The following IRGM variants were observed in gnomAD, a reference collection of about 807,000 sequenced individuals.
The protein encoded by IRGM is immunity-related GTPase family M protein.
For synonymous variants in IRGM, 98 were observed against 80.6 expected (o/e 1.22, Z -1.16); for missense variants, 288 against 219.9 (o/e 1.31, Z -1.96).
At chr5:150,880,203 CT>C (rs1269387592) in intron 3 of IRGM, among the ~76,000 whole-genome samples, 2 of 152,136 alleles carry the variant, frequency 1.3e-5, no homozygotes, top group Non-Finnish European at 2.9e-5. Context: ...ATATGAACAG[CT>C]TTTTATCCAT....
intron 1 of IRGM, among the ~76,000 whole-genome samples, chr5:150,868,526 G>A (rs896345070): frequency 6.6e-6 from 1 of 152,106 alleles, no homozygotes; most frequent in Non-Finnish European, 1.5e-5. Flanking sequence ...ATGGTATTTT[G>A]ATGGGAATTG....
chr5:150,884,448 G>T (rs1754488241), intron 3 of IRGM, among the ~76,000 whole-genome samples: 1 of 152,046 alleles, frequency 6.6e-6, no homozygotes, highest in Non-Finnish European at 1.5e-5. Flanking sequence ...TAATGGGATT[G>T]CTGATTTGAA....
chr5:150,866,720 T>C (rs939332868), intron 1 of IRGM, among the ~76,000 whole-genome samples: 11 of 152,216 alleles, frequency 7.2e-5, no homozygotes, highest in African/African-American at 2.7e-4. Context: ...TTTATAACTG[T>C]AACTGATAAT....
rs891045688 is a variant in IRGM at position 150,847,048 on chromosome 5, G to C, written c.-588G>C. 3.9e-5 allele frequency: 6 copies of C among 152,344 alleles called. No homozygotes were observed. The highest frequency in any genetic ancestry group is 3.9e-4 in the Admixed American group (6 of 15,282). 9.4% of individuals were successfully genotyped at this position (152,344 alleles called of 1,614,324 possible). ...AATGATAAGCAATTGTCTAATCACT[G>C]CCTTGAAAAAGAGCAGAGCATTTGA... is the stretch of plus-strand genomic sequence containing the variant. On this transcript the variant is annotated 5_prime_UTR_variant, in exon 1 of 2. Coordinates refer to ENST00000522154, the MANE Select transcript of IRGM (RefSeq NM_001145805.2).
At chr5:150,862,029 C>T (rs563252584) in intron 1 of IRGM, among the ~76,000 whole-genome samples, 195 of 152,306 alleles carry the variant, frequency 1.3e-3, no homozygotes, top group African/African-American at 4.5e-3. Flanking sequence ...CTCTCATGGG[C>T]TATGATGAAG....
In IRGM at chr5:150,846,862, T is replaced by C. The variant is rs10051804; in HGVS notation, c.-774T>C. ...ACTCCGGACACGCAGCCTTTAAGAA[T>C]TGTAACACTCACCGCGAGGGTCCGT... On this transcript the variant is annotated 5_prime_UTR_variant, in exon 1 of 2. Coordinates refer to ENST00000522154, the MANE Select transcript of IRGM (RefSeq NM_001145805.2). 31,654 of 153,410 alleles carry C rather than the reference T, an allele frequency of 0.21. 5,268 individuals are homozygous for C. Among genetic ancestry groups the C allele is most frequent in the African/African-American group, 0.44 (18,360 of 41,456 alleles). 9.5% of individuals were successfully genotyped at this position (153,410 alleles called of 1,614,324 possible).
intron 3 of IRGM, chr5:150,898,428 C>A: frequency 6.2e-7 from 1 of 1,613,348 alleles, no homozygotes; most frequent in Non-Finnish European, 8.5e-7. Context: ...CCATCCTTAC[C>A]CATTGAGACC....
At chr5:150,871,941 A>G (rs1459022901) in intron 1 of IRGM, among the ~76,000 whole-genome samples, 1 of 152,196 alleles carries the variant, frequency 6.6e-6, no homozygotes, top group Admixed American at 6.5e-5. Context: ...TGGTTTTCTC[A>G]TACAATCCCA....
At chr5:150,878,045 T>C (rs772095800) in exon 2 of IRGM, 2 of 460,194 alleles carry the variant, frequency 4.3e-6, no homozygotes, top group Admixed American at 4.7e-5. Context: ...GAAAGGATCC[T>C]GAGAGAAAAG....
At position 150,856,922 on chromosome 5, in the gene IRGM, TTATTA is replaced by T. The variant is rs1448423472; in HGVS notation, c.158+8270_158+8274del. 1.6e-4 allele frequency among the ~76,000 whole-genome samples: 15 copies of T among 95,376 alleles called. No individual in the cohort carries two copies. The South Asian group carries it at 2.4e-3, about 15-fold the overall frequency. 62.6% of individuals were successfully genotyped at this position (95,376 alleles called of 152,430 possible). A position where few individuals can be genotyped will look rare whatever the true frequency, so the allele number is the denominator to read the frequency against. ...TATTAAATAAATAAATATTTATTAT[TTATTA>T]TTTATTATTTTATTTTATTATACTT... On this transcript the variant is annotated intron_variant and NMD_transcript_variant, in intron 1 of 3. Transcript: ENST00000520549.
chr5:150,852,070 A>G (rs920233079), downstream of IRGM, among the ~76,000 whole-genome samples: 1 of 152,146 alleles, frequency 6.6e-6, no homozygotes, highest in Non-Finnish European at 1.5e-5. Context: ...CTTTTCAAAG[A>G]TGGATATTGC....
intron 1 of IRGM, among the ~76,000 whole-genome samples, chr5:150,853,909 T>C (rs1754011401): frequency 6.6e-6 from 1 of 152,118 alleles, no homozygotes; most frequent in Non-Finnish European, 1.5e-5. Context: ...GACAGAAACA[T>C]CCATTTACAT....
chr5:150,889,396 A>G (rs1327548141), intron 3 of IRGM, among the ~76,000 whole-genome samples: 1 of 152,050 alleles, frequency 6.6e-6, no homozygotes, highest in African/African-American at 2.4e-5. Flanking sequence ...TACTATCACA[A>G]GAATAGCACA....
chr5:150,859,084 AT>A (rs1383571777), intron 1 of IRGM, among the ~76,000 whole-genome samples: 3 of 152,202 alleles, frequency 2.0e-5, no homozygotes, highest in Admixed American at 6.5e-5. Flanking sequence ...AGCTGTTATT[AT>A]TTTGAGATAC....
intron 1 of IRGM, among the ~76,000 whole-genome samples, chr5:150,854,444 A>G (rs1468071491): frequency 6.6e-6 from 1 of 152,012 alleles, no homozygotes; most frequent in African/African-American, 2.4e-5. Flanking sequence ...GTCTATTGTC[A>G]TTTTATTTCA....
chr5:150,859,055 T>C (rs139014190), intron 1 of IRGM, among the ~76,000 whole-genome samples: 1,680 of 152,220 alleles, frequency 0.011, 7 homozygotes, highest in Non-Finnish European at 0.017. Flanking sequence ...ATGATATTGG[T>C]TGTGGATTTG....
At chr5:150,875,813 T>TG (rs1416498702) in intron 1 of IRGM, among the ~76,000 whole-genome samples, 5 of 152,150 alleles carry the variant, frequency 3.3e-5, no homozygotes, top group Non-Finnish European at 7.4e-5. Flanking sequence ...CACCATTCCT[T>TG]GGGGTGATCA....
chr5:150,871,129 G>A (rs531750105), intron 1 of IRGM, among the ~76,000 whole-genome samples: 49 of 152,318 alleles, frequency 3.2e-4, no homozygotes, highest in African/African-American at 1.2e-3. Context: ...AGCAATGGCT[G>A]TCACCCCATG....
intron 1 of IRGM, among the ~76,000 whole-genome samples, chr5:150,869,936 CCT>C (rs976697209): frequency 2.0e-5 from 3 of 151,992 alleles, no homozygotes; most frequent in Non-Finnish European, 4.4e-5. Context: ...GCAAATTCCC[CCT>C]GTGTATTATA....
Sources: allele counts gnomAD v4.1 joint callset (sites outside exome capture counted in the v4.1 genomes callset), GRCh38; gene constraint gnomAD v4.1.1; transcripts MANE v1.5; gene names NCBI Gene and HGNC (gene_info 2026-07-23, HGNC 2026-07-21).